MAP4K3: variants seen among roughly 807,000 people sequenced by gnomAD.
MAP4K3 encodes the protein mitogen-activated protein kinase kinase kinase kinase 3, also known as MAPK/ERK kinase kinase kinase 3.
MAP4K3 carries 94 observed loss-of-function variants against 143.5 expected under a neutral mutation model. That is an observed-to-expected ratio of 0.65 (90% CI 0.55 to 0.78). The LOEUF (loss-of-function observed/expected upper bound fraction) is 0.78, where lower values mean the gene tolerates loss of function less well. Among genes scored for constraint, MAP4K3 ranks in the 30% least tolerant of loss-of-function variants. The pLI is 0.00. For synonymous variants in MAP4K3, 416 were observed against 347.2 expected, an observed-to-expected ratio of 1.20 and a Z score of -2.20; for missense variants, 1,077 against 1,068.1, an observed-to-expected ratio of 1.01 and a Z score of -0.12.
chr2:39,303,074 C>G (rs1682568728), intron 15 of MAP4K3: 1 of 166,844 alleles, frequency 6.0e-6, no homozygotes, highest in Admixed American at 6.6e-5. Context: ...AAGTCTATAC[C>G]TGATGAGAAA....
intron 1 of MAP4K3, among the ~76,000 whole-genome samples, chr2:39,379,986 C>T (rs529061883): frequency 2.0e-5 from 3 of 152,058 alleles, no homozygotes; most frequent in African/African-American, 7.2e-5. Context: ...ATGACACTAA[C>T]TACTGATGAG....
intron 13 of MAP4K3, among the ~76,000 whole-genome samples, chr2:39,310,649 G>A (rs532399699): frequency 1.3e-5 from 2 of 152,150 alleles, no homozygotes; most frequent in East Asian, 1.9e-4. Context: ...TTTAGTTCTT[G>A]AGGAACCTCC....
chr2:39,434,034 C>A (rs896716200), intron 1 of MAP4K3, among the ~76,000 whole-genome samples: 4 of 152,130 alleles, frequency 2.6e-5, no homozygotes, highest in Non-Finnish European at 5.9e-5. Context: ...TGGAACTAAA[C>A]CACGCCACCT....
At chr2:39,369,966 T>C (rs532962430) in intron 2 of MAP4K3, among the ~76,000 whole-genome samples, 84 of 152,200 alleles carry the variant, frequency 5.5e-4, no homozygotes, top group Non-Finnish European at 7.3e-4. Flanking sequence ...GGCTGCTACT[T>C]ACATAAACAT....
intron 2 of MAP4K3, among the ~76,000 whole-genome samples, chr2:39,377,736 C>G (rs1275368721): frequency 6.6e-6 from 1 of 152,144 alleles, no homozygotes; most frequent in African/African-American, 2.4e-5. Flanking sequence ...GTTTTTTCCA[C>G]TACATCACAC....
chr2:39,414,507 C>G lies in MAP4K3; in HGVS notation c.96+22385G>C, dbSNP rs1038037098. Reference sequence around the variant, plus strand: ...TTTGAGAAATGGCCCCCACATTCCACCCCCACTACCACCTGCTTGCAGATC... The same window carrying G: ...TTTGAGAAATGGCCCCCACATTCCAGCCCCACTACCACCTGCTTGCAGATC... On this transcript the variant is annotated intron_variant, in intron 1 of 33. Coordinates refer to ENST00000263881, the MANE Select transcript of MAP4K3 (RefSeq NM_003618.4). Among the ~76,000 whole-genome samples the G allele has an allele frequency of 4.6e-5, 7 of 152,234 alleles. No individual in the cohort carries two copies. In the East Asian group the frequency reaches 1.4e-3, roughly 29 times the overall value.
chr2:39,358,224 G>T (rs183803966), intron 2 of MAP4K3, among the ~76,000 whole-genome samples: 271 of 152,236 alleles, frequency 1.8e-3, no homozygotes, highest in African/African-American at 6.2e-3. Context: ...TTTGTATTGA[G>T]CACTTTTATT....
chr2:39,341,902 C>T (rs956540304), intron 4 of MAP4K3, among the ~76,000 whole-genome samples: 12 of 151,880 alleles, frequency 7.9e-5, no homozygotes, highest in South Asian at 2.1e-4. Flanking sequence ...AAATATTTAT[C>T]AAAGAACAAC....
At chr2:39,403,500 T>TG (rs1434525706) in intron 1 of MAP4K3, among the ~76,000 whole-genome samples, 1 of 152,238 alleles carries the variant, frequency 6.6e-6, no homozygotes, top group East Asian at 1.9e-4. Context: ...AGACTTTGCA[T>TG]TGAACTCAGC....
chr2:39,329,172 A>C (rs1440475118), intron 8 of MAP4K3, among the ~76,000 whole-genome samples: 3 of 152,232 alleles, frequency 2.0e-5, no homozygotes, highest in Non-Finnish European at 4.4e-5. Flanking sequence ...AAATTTCATC[A>C]TTAACATTCA....
chr2:39,385,363 T>C (rs531554328), intron 1 of MAP4K3, among the ~76,000 whole-genome samples: 77 of 152,152 alleles, frequency 5.1e-4, no homozygotes, highest in African/African-American at 1.7e-3. Flanking sequence ...GTATTTTTTA[T>C]TTCAGCCATC....
intron 7 of MAP4K3, among the ~76,000 whole-genome samples, 180 bp downstream of exon 7, chr2:39,333,352 C>G (rs1683742450): frequency 6.6e-6 from 1 of 152,034 alleles, no homozygotes; most frequent in South Asian, 2.1e-4. Flanking sequence ...GAAGGACAGA[C>G]TTTATCCCTG....
Position 39,250,673 on chromosome 2 carries a change from T to G in MAP4K3, c.2630A>C (p.Asn877Thr). The change falls in exon 34 of 34, where the codon AAC becomes ACC. Residue 877 changes from asparagine (N) to threonine (T), a missense_variant. Asn to Thr is a moderately conservative substitution (Grantham distance 65). Coordinates refer to ENST00000263881, the MANE Select transcript of MAP4K3 (RefSeq NM_003618.4). ...VVVLESRPTD[N>T]PTANSNLYIL... ...GTACAAATTGCTATTTGCTGTGGGG[T>G]TATCAGTTGGCCTACTTTCCAAAAC... The G allele has an allele frequency of 6.2e-7, 1 of 1,613,908 alleles. No homozygotes were observed. The highest frequency in any genetic ancestry group is 2.2e-5 in the East Asian group (1 of 44,862).
chr2:39,372,849 T>C (rs1369786853), intron 2 of MAP4K3, among the ~76,000 whole-genome samples: 8 of 152,070 alleles, frequency 5.3e-5, no homozygotes, highest in East Asian at 1.9e-4. Context: ...CAAGAAAACA[T>C]TGGGGAAAAT....
At chr2:39,371,429 G>C (rs556998415) in intron 2 of MAP4K3, among the ~76,000 whole-genome samples, 12 of 152,290 alleles carry the variant, frequency 7.9e-5, no homozygotes, top group African/African-American at 2.9e-4. Flanking sequence ...CTATGTCAAA[G>C]TGACTTAGGT....
At chr2:39,410,367 A>C (rs1667203433) in intron 1 of MAP4K3, among the ~76,000 whole-genome samples, 1 of 152,254 alleles carries the variant, frequency 6.6e-6, no homozygotes, top group Non-Finnish European at 1.5e-5. Flanking sequence ...ATAATTTTAC[A>C]ATCCTAGAAA....
chr2:39,379,627 C>T (rs1373151505), intron 1 of MAP4K3: 1 of 158,404 alleles, frequency 6.3e-6, no homozygotes, highest in Non-Finnish European at 1.5e-5. Context: ...TTTTCAAGCA[C>T]CATCACAACT....
At chr2:39,338,578 T>C (rs1347878431) in intron 4 of MAP4K3, among the ~76,000 whole-genome samples, 1 of 152,216 alleles carries the variant, frequency 6.6e-6, no homozygotes, top group Non-Finnish European at 1.5e-5. Flanking sequence ...AACCTACTCT[T>C]TTCACTTACG....
chr2:39,269,807 T>G (rs1680936250), intron 26 of MAP4K3, among the ~76,000 whole-genome samples: 1 of 152,208 alleles, frequency 6.6e-6, no homozygotes. Context: ...ATATTCTGAT[T>G]ACGATTTTCT....
Sources: allele counts gnomAD v4.1 joint callset (sites outside exome capture counted in the v4.1 genomes callset), GRCh38; gene constraint gnomAD v4.1.1; transcripts MANE v1.5; gene names NCBI Gene and HGNC (gene_info 2026-07-23, HGNC 2026-07-21).